The following FRMPD4 variants were observed in gnomAD, a reference collection of about 807,000 sequenced individuals.
The protein encoded by FRMPD4 is FERM and PDZ domain-containing protein 4.
FRMPD4 carries 22 observed loss-of-function variants against 94.1 expected under a neutral mutation model. That is an observed-to-expected ratio of 0.23 (90% CI 0.17 to 0.33). The LOEUF is 0.33. Among genes scored for constraint, FRMPD4 ranks in the 10% least tolerant of loss-of-function variants. The probability of loss-of-function intolerance (pLI) is 1.00; values close to 1 mark genes in which losing one functional copy is unlikely to be tolerated. For synonymous variants in FRMPD4, 631 were observed against 548.6 expected, an observed-to-expected ratio of 1.15 and a Z score of -2.10; for missense variants, 1,111 against 1,339.9, an observed-to-expected ratio of 0.83 and a Z score of 2.67.
intron 3 of FRMPD4, among the ~76,000 whole-genome samples, chrX:11,927,106 C>T (rs1412666721): frequency 9.1e-6 from 1 of 109,606 alleles, no homozygotes; most frequent in Non-Finnish European, 1.9e-5. Flanking sequence ...ATACCAACAA[C>T]AGTCAAGCCA....
At chrX:12,394,264 C>T (rs1483130868) in intron 1 of FRMPD4, among the ~76,000 whole-genome samples, 1 of 111,071 alleles carries the variant, frequency 9.0e-6, no homozygotes, top group East Asian at 2.8e-4. Context: ...TAGAAGGGAC[C>T]ATATATCTCT....
chrX:11,963,204 G>A (rs1404365198), intron 3 of FRMPD4, among the ~76,000 whole-genome samples: 1 of 112,352 alleles, frequency 8.9e-6, no homozygotes, highest in Non-Finnish European at 1.9e-5. Context: ...GTGATACATG[G>A]AGAGGGCTGG....
rs1227012648 is a variant in FRMPD4 at position 12,351,031 on chromosome X, G to A, written c.42-147649G>A. Reference sequence around the variant, plus strand: ...TCTACTAAAAATACAAAAATTAGCTGGGTGTGGTGGCGCGTGCCTGTAATC... The same window carrying A: ...TCTACTAAAAATACAAAAATTAGCTAGGTGTGGTGGCGCGTGCCTGTAATC... On this transcript the variant is annotated intron_variant, in intron 1 of 16. Transcript: ENST00000675598. Among the ~76,000 whole-genome samples the A allele has an allele frequency of 2.7e-5, 3 of 111,034 alleles. No individual in the cohort carries two copies. In the Admixed American group the frequency reaches 2.9e-4, roughly 11 times the overall value.
chrX:12,716,003 C>CCCCCCCCCCCCCCCA, intron 14 of FRMPD4, 66 bp from the exon 15 acceptor site: 1 of 176,093 alleles, frequency 5.7e-6, no homozygotes, highest in Non-Finnish European at 1.2e-5. Flanking sequence ...GACGAGCCTC[C>CCCCCCCCCCCCCCCA]CACCCCCGCC....
chrX:12,378,796 T>C (rs1048568773), intron 1 of FRMPD4, among the ~76,000 whole-genome samples: 16 of 112,281 alleles, frequency 1.4e-4, no homozygotes, highest in African/African-American at 4.5e-4. Flanking sequence ...TGATATATTT[T>C]CTTGGCCCCA....
intron 3 of FRMPD4, among the ~76,000 whole-genome samples, chrX:12,028,891 T>A (rs757221510): frequency 8.9e-6 from 1 of 112,482 alleles, no homozygotes; most frequent in South Asian, 3.6e-4. Context: ...CTAAAGGATG[T>A]CTTGGTTGCA....
chrX:12,299,319 G>GGAA (rs201208009), intron 1 of FRMPD4, among the ~76,000 whole-genome samples: 2 of 109,321 alleles, frequency 1.8e-5, no homozygotes, highest in African/African-American at 3.3e-5. Context: ...AGGAGGAAGA[G>GGAA]GAAGAAGAAG....
intron 3 of FRMPD4, among the ~76,000 whole-genome samples, chrX:11,881,633 G>C (rs568829933): frequency 1.8e-5 from 2 of 112,041 alleles, no homozygotes; most frequent in African/African-American, 6.5e-5. Flanking sequence ...GGGTGCCAAG[G>C]ATTAGGGGTT....
chrX:12,282,575 AAAT>A (rs955292991), intron 1 of FRMPD4, among the ~76,000 whole-genome samples: 4 of 111,294 alleles, frequency 3.6e-5, no homozygotes, highest in Non-Finnish European at 7.6e-5. Context: ...AGATTCAAAC[AAAT>A]CTAGTTTTAT....
chrX:12,193,370 TATTC>T (rs1360736385), intron 1 of FRMPD4, among the ~76,000 whole-genome samples: 2 of 111,016 alleles, frequency 1.8e-5, no homozygotes, highest in African/African-American at 3.3e-5. Context: ...TATTATAAAA[TATTC>T]ATTTAATGTA....
At chrX:12,416,871 T>TA (rs1354529245) in intron 1 of FRMPD4, among the ~76,000 whole-genome samples, 3 of 112,222 alleles carry the variant, frequency 2.7e-5, no homozygotes, top group Non-Finnish European at 5.6e-5. Flanking sequence ...TGTCTTTCTT[T>TA]AAAATCCTTT....
intron 4 of FRMPD4, among the ~76,000 whole-genome samples, chrX:12,673,753 T>C (rs190532031): frequency 1.8e-5 from 2 of 111,617 alleles, no homozygotes; most frequent in East Asian, 5.6e-4. Flanking sequence ...ACCAGCACCA[T>C]CATCCTAAGT....
At chrX:12,589,214 A>T (rs370293896) in intron 2 of FRMPD4, among the ~76,000 whole-genome samples, 3 of 111,991 alleles carry the variant, frequency 2.7e-5, no homozygotes, top group East Asian at 2.8e-4. Context: ...TTAGGCTAAT[A>T]TTGAGCTTGA....
intron 10 of FRMPD4, 77 bp downstream of exon 10, chrX:12,702,087 T>C: frequency 1.0e-6 from 1 of 1,003,151 alleles, no homozygotes; most frequent in Non-Finnish European, 1.4e-6. Context: ...TTGTTATTTG[T>C]CCAAAATTGA....
intron 2 of FRMPD4, among the ~76,000 whole-genome samples, chrX:11,870,235 TTGA>T (rs1245889683): frequency 3.6e-5 from 4 of 111,890 alleles, no homozygotes; most frequent in African/African-American, 1.3e-4. Context: ...ATGATCCCAC[TTGA>T]TGATTACCCC....
At chrX:12,112,660 G>A (rs2147525664) in intron 3 of FRMPD4, among the ~76,000 whole-genome samples, 1 of 111,797 alleles carries the variant, frequency 8.9e-6, no homozygotes, top group Non-Finnish European at 1.9e-5. Context: ...AAAATTATAT[G>A]ATCAATAGTC....
chrX:12,398,393 A>G, intron 1 of FRMPD4, among the ~76,000 whole-genome samples: 1 of 112,191 alleles, frequency 8.9e-6, no homozygotes, highest in East Asian at 2.8e-4. Context: ...CCAACTAAGA[A>G]ATTCAATGCT....
rs996196792 is a variant in FRMPD4 at position 12,718,119 on chromosome X, A to G, written c.3293A>G (p.Glu1098Gly). 1.7e-6 allele frequency: 2 copies of G among 1,209,772 alleles called. No homozygotes were observed. The highest frequency in any genetic ancestry group is 3.5e-5 in the African/African-American group (2 of 57,140). Reference protein sequence around the residue: ...KDSQRWYVATEGGMAEKSGLE... With the variant: ...KDSQRWYVATGGGMAEKSGLE... The stretch of plus-strand genomic sequence containing the variant: ...AGTCAAAGATGGTATGTGGCCACTG[A>G]AGGTGGGATGGCTGAAAAAAGTGGA... Residue 1098 changes from glutamate (E) to glycine (G), a missense_variant, in exon 16 of 17, where the codon GAA becomes GGA. This residue lies in a region of FRMPD4 where 551 missense variants were observed against 591.6 expected (regional missense o/e 0.93). Coordinates refer to ENST00000675598, the MANE Select transcript of FRMPD4 (RefSeq NM_001368397.1).
rs1348193998 is a variant in FRMPD4, at chrX:12,716,745, G to C, written c.2286G>C (p.Val762=). 8.3e-7 allele frequency: 1 copy of C among 1,209,442 alleles called. No individual in the cohort carries two copies. The highest frequency in any genetic ancestry group is 1.7e-5 in the African/African-American group (1 of 57,147). ...DEVSCEEDLV[V]GEMNQPAILN... ...TGAGCTGCGAGGAGGACCTCGTGGT[G>C]GGGGAGATGAACCAGCCGGCCATCC... Residue 762 remains valine (V), a synonymous_variant, in exon 15 of 17, where the codon GTG becomes GTC. Coordinates refer to ENST00000675598, the MANE Select transcript of FRMPD4 (RefSeq NM_001368397.1).
Sources: allele counts gnomAD v4.1 joint callset (sites outside exome capture counted in the v4.1 genomes callset), GRCh38; gene constraint gnomAD v4.1.1; regional missense constraint gnomAD v4.1.1; transcripts MANE v1.5; gene names NCBI Gene and HGNC (gene_info 2026-07-23, HGNC 2026-07-21).